TENM2: variants seen among roughly 807,000 people sequenced by gnomAD.
TENM2 encodes the protein teneurin transmembrane protein 2, also known as teneurin-2.
A neutral mutation model predicts 245.2 loss-of-function variants in TENM2; 52 were observed. The ratio of observed to expected loss-of-function variants is 0.21; its 90% confidence interval spans 0.17 to 0.27. TENM2 has a LOEUF of 0.27. Ranked by LOEUF, TENM2 falls within the 10% of genes least tolerant of loss-of-function variation. The probability of loss-of-function intolerance (pLI) is 1.00; values close to 1 mark genes in which losing one functional copy is unlikely to be tolerated. For missense variants in TENM2, 3,046 were observed against 3,666.8 expected (o/e 0.83, Z 4.37); for synonymous variants, 1,363 against 1,438.9 (o/e 0.95, Z 1.19).
At position 167,758,213 on chromosome 5, in the gene TENM2, C is replaced by G. The variant is rs188924014; in HGVS notation, c.503-117773C>G. On this transcript the variant is annotated intron_variant, in intron 2 of 28. Transcript: ENST00000518659. ...GGTCCCTATAGTGTCATTATGATGA[C>G]CAAGAAATCAGTTCCCAGGGAGGCT... Among the ~76,000 whole-genome samples, 252 of 152,248 alleles carry G rather than the reference C, an allele frequency of 1.7e-3. 3 individuals are homozygous for G. The highest frequency in any genetic ancestry group is 5.7e-3 in the African/African-American group (237 of 41,542).
intron 2 of TENM2, among the ~76,000 whole-genome samples, chr5:167,855,753 G>A (rs928575972): frequency 7.2e-6 from 1 of 138,056 alleles, no homozygotes; most frequent in Admixed American, 7.3e-5. Context: ...AAGGAAAGAA[G>A]GAAGGAAGGG....
chr5:167,317,556 T>G (rs1317884995), intron 1 of TENM2, among the ~76,000 whole-genome samples: 1 of 152,152 alleles, frequency 6.6e-6, no homozygotes, highest in African/African-American at 2.4e-5. Flanking sequence ...TCAACGGAAA[T>G]TTTCCACATC....
intron 2 of TENM2, among the ~76,000 whole-genome samples, chr5:167,869,907 C>A (rs1253825171): frequency 6.6e-6 from 1 of 152,024 alleles, no homozygotes; most frequent in Non-Finnish European, 1.5e-5. Context: ...TTTTTATTTG[C>A]ATAGAAATAA....
At chr5:167,280,165 CAGGGAT>C (rs1216127269), upstream of TENM2, among the ~76,000 whole-genome samples, 8 of 152,104 alleles carry the variant, frequency 5.3e-5, no homozygotes, top group African/African-American at 1.9e-4. Flanking sequence ...GAAGCCAACC[CAGGGAT>C]AGAGGAATGG....
chr5:167,716,938 T>TC (rs1241792198), intron 2 of TENM2, among the ~76,000 whole-genome samples: 5 of 137,272 alleles, frequency 3.6e-5, no homozygotes, highest in African/African-American at 1.6e-4. Context: ...TTTATTTTAT[T>TC]TTATTCTATT....
chr5:167,727,214 A>G (rs1483318230), intron 2 of TENM2, among the ~76,000 whole-genome samples: 2 of 140,634 alleles, frequency 1.4e-5, no homozygotes, highest in Non-Finnish European at 3.0e-5. Context: ...GGTTCATGCC[A>G]TTCTCCTGCC....
chr5:167,454,162 C>A (rs944852491), intron 2 of TENM2, among the ~76,000 whole-genome samples: 3 of 151,900 alleles, frequency 2.0e-5, no homozygotes, highest in Non-Finnish European at 2.9e-5. Context: ...AGCACAATGC[C>A]CTTGAATCAT....
In TENM2 at chr5:167,379,976, A is replaced by G. The variant is rs375106996; in HGVS notation, c.502+4503A>G. Reference sequence around the variant, plus strand: ...AACAAAGTTTTAAGCCATTTGGATGACATTGATTTCAATTTGTGTTTTTAG... The same window carrying G: ...AACAAAGTTTTAAGCCATTTGGATGGCATTGATTTCAATTTGTGTTTTTAG... On this transcript the variant is annotated intron_variant, in intron 2 of 28. Coordinates refer to ENST00000518659, the Ensembl canonical transcript of TENM2. Among the ~76,000 whole-genome samples, 497 of 151,222 alleles carry G rather than the reference A, an allele frequency of 3.3e-3. 5 individuals carry two copies. The highest frequency in any genetic ancestry group is 0.024 in the South Asian group (114 of 4,804).
At chr5:168,168,504 A>G (rs1758505375) in intron 13 of TENM2, among the ~76,000 whole-genome samples, 1 of 152,032 alleles carries the variant, frequency 6.6e-6, no homozygotes, top group African/African-American at 2.4e-5. Context: ...ACATGGTGAA[A>G]CCCCATCTCT....
intron 2 of TENM2, among the ~76,000 whole-genome samples, chr5:167,453,102 G>A (rs1765711425): frequency 6.6e-6 from 1 of 151,364 alleles, no homozygotes; most frequent in African/African-American, 2.4e-5. Flanking sequence ...CAAGAAAAGT[G>A]GGGTGAGAAA....
At chr5:167,964,354 CA>C (rs1283603059) in intron 4 of TENM2, among the ~76,000 whole-genome samples, 2 of 152,170 alleles carry the variant, frequency 1.3e-5, no homozygotes, top group Non-Finnish European at 2.9e-5. Context: ...AGTCCCTAAG[CA>C]GGACAAAACT....
chr5:167,825,126 A>G (rs994887728), intron 2 of TENM2, among the ~76,000 whole-genome samples: 5 of 152,118 alleles, frequency 3.3e-5, no homozygotes, highest in African/African-American at 7.2e-5. Context: ...ATTTTTACAT[A>G]TTTGTGTAAT....
the TENM2 span, among the ~76,000 whole-genome samples, chr5:167,019,199 G>T: frequency 1.3e-5 from 2 of 151,892 alleles, no homozygotes; most frequent in Non-Finnish European, 2.9e-5. Flanking sequence ...GCAGTTGGGG[G>T]GAGGCTTCAA....
At chr5:167,120,365 T>C in the TENM2 span, among the ~76,000 whole-genome samples, 1 of 152,100 alleles carries the variant, frequency 6.6e-6, no homozygotes, top group Non-Finnish European at 1.5e-5. Context: ...GAAGTGAGGC[T>C]GGAAACAATG....
intron 9 of TENM2, among the ~76,000 whole-genome samples, chr5:168,098,507 G>GCTA (rs1225898749): frequency 6.6e-6 from 1 of 152,012 alleles, no homozygotes; most frequent in Non-Finnish European, 1.5e-5. Flanking sequence ...ATTCTGGCCA[G>GCTA]CTACACTCTT....
chr5:167,500,500 G>C (rs1430438284), intron 2 of TENM2, among the ~76,000 whole-genome samples: 1 of 151,974 alleles, frequency 6.6e-6, no homozygotes, highest in Non-Finnish European at 1.5e-5. Context: ...AAAATAAAAA[G>C]AAATGGATAG....
At chr5:167,233,110 G>A in the TENM2 span, among the ~76,000 whole-genome samples, 1 of 152,292 alleles carries the variant, frequency 6.6e-6, no homozygotes, top group Admixed American at 6.5e-5. Context: ...TCTGAGTTTC[G>A]TGGAGGGAGA....
chr5:167,185,025 C>G, the TENM2 span, among the ~76,000 whole-genome samples: 1 of 152,202 alleles, frequency 6.6e-6, no homozygotes, highest in Non-Finnish European at 1.5e-5. Flanking sequence ...CAGAACTCAG[C>G]TTCTTCACCT....
At chr5:167,410,924 C>T (rs975898216) in intron 2 of TENM2, among the ~76,000 whole-genome samples, 1 of 152,034 alleles carries the variant, frequency 6.6e-6, no homozygotes, top group Admixed American at 6.6e-5. Flanking sequence ...GCAAACCCAC[C>T]TATTAACCTC....
Sources: allele counts gnomAD v4.1 joint callset (sites outside exome capture counted in the v4.1 genomes callset), GRCh38; gene constraint gnomAD v4.1.1; transcripts MANE v1.5; gene names NCBI Gene and HGNC (gene_info 2026-07-23, HGNC 2026-07-21).